Variants in YJU2B observed in about 807,000 individuals in gnomAD.
The protein encoded by YJU2B is YJU2 splicing factor homolog B.
YJU2B carries 18 observed loss-of-function variants against 38.0 expected under a neutral mutation model. That is an observed-to-expected ratio of 0.47 (90% CI 0.33 to 0.70). The LOEUF (loss-of-function observed/expected upper bound fraction) is 0.70. Ranked by LOEUF, YJU2B falls within the 30% of genes least tolerant of loss-of-function variation. The pLI, the probability that YJU2B is intolerant of heterozygous loss-of-function variation, is 0.02. For missense variants in YJU2B, 538 were observed against 556.3 expected (o/e 0.97, Z 0.33); for synonymous variants, 246 against 225.4 (o/e 1.09, Z -0.82).
chr19:13,750,148 T>C (rs1973400241), intron 1 of YJU2B, among the ~76,000 whole-genome samples: 2 of 152,144 alleles, frequency 1.3e-5, no homozygotes, highest in Non-Finnish European at 2.9e-5. Context: ...GGGGGAGACA[T>C]AAACCGACAC....
intron 6 of YJU2B, 113 bp downstream of exon 6, chr19:13,757,959 C>A: frequency 2.2e-6 from 2 of 919,834 alleles, no homozygotes; most frequent in Non-Finnish European, 3.4e-6. Flanking sequence ...TCCTGGAAAT[C>A]GCCCTGGTTG....
At chr19:13,739,894 C>T (rs768514258) in intron 2 of YJU2B, among the ~76,000 whole-genome samples, 1 of 152,168 alleles carries the variant, frequency 6.6e-6, no homozygotes, top group African/African-American at 2.4e-5. Context: ...CTCTTCCTCC[C>T]CTTGGCCCCC....
intron 3 of YJU2B, 83 bp from the exon 4 acceptor site, chr19:13,756,114 G>A (rs1973656812): frequency 1.9e-6 from 2 of 1,076,108 alleles, no homozygotes; most frequent in Non-Finnish European, 2.9e-6. Flanking sequence ...TGAGACACTT[G>A]TCCCAAAGCA....
In YJU2B at chr19:13,762,505, A is replaced by C. The variant is rs140286000; in HGVS notation, c.712+68A>C. On this transcript the variant is annotated intron_variant, in intron 9 of 9. Transcript: ENST00000221554. Reference sequence around the variant, plus strand: ...AGTTGCCTGGAGATGGGGGGTCCTCAGCCATGAGTGGACTCTGGTCTACCA... The same window carrying C: ...AGTTGCCTGGAGATGGGGGGTCCTCCGCCATGAGTGGACTCTGGTCTACCA... 2.8e-4 allele frequency: 438 copies of C among 1,580,592 alleles called. 1 individual carries two copies. Among genetic ancestry groups the C allele is most frequent in the Non-Finnish European group, 3.3e-4 (390 of 1,168,256 alleles).
intron 2 of YJU2B, among the ~76,000 whole-genome samples, chr19:13,732,819 G>A (rs1049855383): frequency 2.0e-5 from 3 of 151,880 alleles, no homozygotes; most frequent in Non-Finnish European, 4.4e-5. Flanking sequence ...GTGTTGGCCA[G>A]ACTGGTCTCA....
chr19:13,754,205 A>AATTTTTTCTG, intron 2 of YJU2B, 84 bp from the exon 3 acceptor site: 1 of 1,106,582 alleles, frequency 9.0e-7, no homozygotes, highest in Non-Finnish European at 1.4e-6. Context: ...AATCAGAAAA[A>AATTTTTTCTG]ATTTTTTTGA....
rs528500807 is a variant in YJU2B at position 13,754,085 on chromosome 19, T to A, written c.4-204T>A. ...TACTCAGGAGGCTGAGGCAGGAGAATCGCCTGAACTCGGGAAACGGAGGTT... is the reference window on the plus strand; with the variant it reads ...TACTCAGGAGGCTGAGGCAGGAGAAACGCCTGAACTCGGGAAACGGAGGTT... On this transcript the variant is annotated intron_variant, in intron 2 of 9. Transcript: ENST00000221554. 2.0e-5 allele frequency among the ~76,000 whole-genome samples: 3 copies of A among 152,214 alleles called. No homozygotes were observed. The East Asian group carries it at 5.8e-4, about 29-fold the overall frequency.
At chr19:13,743,444 G>A (rs929862176), upstream of YJU2B, among the ~76,000 whole-genome samples, 2 of 149,740 alleles carry the variant, frequency 1.3e-5, no homozygotes, top group African/African-American at 4.9e-5. Context: ...GCCGGATGTG[G>A]TGGCACATGC....
intron 8 of YJU2B, among the ~76,000 whole-genome samples, chr19:13,760,369 A>G (rs1273394513): frequency 6.6e-6 from 1 of 152,196 alleles, no homozygotes; most frequent in Non-Finnish European, 1.5e-5. Flanking sequence ...GAAGGGACAA[A>G]CAAGTTCCCT....
chr19:13,762,769 C>CGGA lies in YJU2B; in HGVS notation c.895_897dup (p.Arg299dup), dbSNP rs1288743387. On this transcript the variant is annotated inframe_insertion, in exon 10 of 10. Transcript: ENST00000221554. ...CGTCGGGGACCTGGGCATCGTGCGG[C>CGGA]GGAGGTCTCGGGACGTCCCGGAGAG... 1.9e-6 allele frequency: 3 copies of CGGA among 1,605,216 alleles called. No individual in the cohort carries two copies. Among genetic ancestry groups the CGGA allele is most frequent in the Non-Finnish European group, 2.5e-6 (3 of 1,177,270 alleles).
intron 4 of YJU2B, among the ~76,000 whole-genome samples, chr19:13,756,575 G>A (rs1247569079): frequency 1.3e-5 from 2 of 152,128 alleles, no homozygotes; most frequent in Admixed American, 6.6e-5. Flanking sequence ...GCTGGGGACT[G>A]GCTGGTTTAG....
rs75423985 is a variant in YJU2B, at chr19:13,760,468, A to C, written c.573+1196A>C. On this transcript the variant is annotated intron_variant, in intron 8 of 9. Coordinates refer to ENST00000221554, the MANE Select transcript of YJU2B (RefSeq NM_030818.4). ...CTTCCCCAAATGCCTCACATCTTTTAACACTGTCAACGTTGAGGATTAAGC... is the reference window on the plus strand; with the variant it reads ...CTTCCCCAAATGCCTCACATCTTTTCACACTGTCAACGTTGAGGATTAAGC... 2.2e-3 allele frequency among the ~76,000 whole-genome samples: 338 copies of C among 152,300 alleles called. 2 individuals carry two copies. Among genetic ancestry groups the C allele is most frequent in the African/African-American group, 7.6e-3 (317 of 41,568 alleles).
chr19:13,731,929 A>G (rs1278941591), exon 1 of YJU2B: 1 of 152,210 alleles, frequency 6.6e-6, no homozygotes, highest in Non-Finnish European at 1.5e-5. Flanking sequence ...ATCGCCTTCC[A>G]GGGTAGCTCC....
upstream of YJU2B, among the ~76,000 whole-genome samples, chr19:13,746,837 G>A (rs1973263657): frequency 6.6e-6 from 1 of 152,040 alleles, no homozygotes; most frequent in Non-Finnish European, 1.5e-5. Flanking sequence ...AACCTGGGAG[G>A]TGGAGAGCGC....
chr19:13,763,056 G>A lies in YJU2B; in HGVS notation c.1179G>A (p.Ser393=), dbSNP rs35254119. 3.0e-3 allele frequency: 4,679 copies of A among 1,553,940 alleles called. 138 individuals carry two copies. The African/African-American group carries it at 0.058, about 19-fold the overall frequency. Residue 393 remains serine, a synonymous_variant, in exon 10 of 10, where the codon TCG becomes TCA. Transcript: ENST00000221554. ...GSSLVADYSD[S]ESE ...CCCTCGTGGCGGACTACTCCGACTC[G>A]GAGAGTGAGTGAGCGATCCCCATCC...
rs537185931 is a variant in YJU2B, at chr19:13,762,880, G to T, written c.1003G>T (p.Asp335Tyr). The change falls in exon 10 of 10, where the codon GAC becomes TAC. Residue 335 changes from aspartate (D) to tyrosine (Y), a missense_variant. This residue lies in a region of YJU2B where 488 missense variants were observed against 469.5 expected (regional missense o/e 1.04). Transcript: ENST00000221554. Reference protein sequence around the residue: ...AAQDRPMSPGDCPPETTETPK... With the variant: ...AAQDRPMSPGYCPPETTETPK... ...CCAGGACCGGCCCATGTCCCCCGGA[G>T]ACTGTCCTCCGGAAACAACTGAGAC... The T allele has an allele frequency of 1.2e-6, 2 of 1,610,984 alleles. No individual in the cohort carries two copies. Among genetic ancestry groups the T allele is most frequent in the South Asian group, 1.1e-5 (1 of 90,790 alleles).
chr19:13,744,476 T>C (rs1260210018), upstream of YJU2B, among the ~76,000 whole-genome samples: 1 of 152,246 alleles, frequency 6.6e-6, no homozygotes, highest in African/African-American at 2.4e-5. Context: ...GGACTCTAAC[T>C]TCCTTAGCTT....
chr19:13,751,180 G>A (rs187739872), intron 1 of YJU2B, among the ~76,000 whole-genome samples: 1 of 152,300 alleles, frequency 6.6e-6, no homozygotes, highest in African/African-American at 2.4e-5. Context: ...CACTTTGGGA[G>A]GTTGGGGCGG....
intron 2 of YJU2B, among the ~76,000 whole-genome samples, chr19:13,739,809 TGTG>T (rs1267803647): frequency 3.3e-5 from 5 of 152,192 alleles, no homozygotes; most frequent in Admixed American, 2.6e-4. Context: ...ATATATGTGC[TGTG>T]GTGGTTTGCT....
Sources: gnomAD v4.1 joint callset for allele counts (sites outside exome capture counted in the v4.1 genomes callset) on GRCh38, gnomAD v4.1.1 for gene constraint, gnomAD v4.1.1 regional missense constraint, MANE v1.5 for transcripts, NCBI Gene and HGNC (gene_info 2026-07-23, HGNC 2026-07-21) for gene names.